The following EPB41L4A variants were observed in gnomAD, a reference collection of about 807,000 sequenced individuals.
The protein encoded by EPB41L4A is erythrocyte membrane protein band 4.1 like 4A.
A neutral mutation model predicts 108.6 loss-of-function variants in EPB41L4A; 100 were observed. The ratio of observed to expected loss-of-function variants is 0.92; its 90% confidence interval spans 0.78 to 1.09. The LOEUF (loss-of-function observed/expected upper bound fraction) is 1.09. Ranked by LOEUF, EPB41L4A falls within the 50% of genes least tolerant of loss-of-function variation. The pLI, the probability that EPB41L4A is intolerant of heterozygous loss-of-function variation, is 0.00. For synonymous variants in EPB41L4A, 319 were observed against 289.0 expected, an observed-to-expected ratio of 1.10 and a Z score of -1.05; for missense variants, 1,030 against 842.7, an observed-to-expected ratio of 1.22 and a Z score of -2.75.
intron 1 of EPB41L4A, among the ~76,000 whole-genome samples, chr5:112,400,915 C>T (rs1425802967): frequency 6.6e-6 from 1 of 152,206 alleles, no homozygotes; most frequent in Non-Finnish European, 1.5e-5. Flanking sequence ...ATGGAACTGA[C>T]TGGCTCCCTA....
intron 12 of EPB41L4A, among the ~76,000 whole-genome samples, chr5:112,232,550 T>C (rs1339241182): frequency 6.6e-6 from 1 of 152,208 alleles, no homozygotes; most frequent in Non-Finnish European, 1.5e-5. Context: ...GAGACTTAAT[T>C]TGACTTTAGA....
intron 15 of EPB41L4A, among the ~76,000 whole-genome samples, chr5:112,200,306 T>C (rs1049316691): frequency 6.6e-6 from 1 of 152,238 alleles, no homozygotes; most frequent in African/African-American, 2.4e-5. Flanking sequence ...TTTGGCTCAG[T>C]GATTCAGCAA....
chr5:112,277,570 A>G (rs1752695871), intron 3 of EPB41L4A, among the ~76,000 whole-genome samples: 1 of 152,220 alleles, frequency 6.6e-6, no homozygotes, highest in Non-Finnish European at 1.5e-5. Context: ...AAGGCACATT[A>G]AACTCCAAGG....
upstream of EPB41L4A, chr5:112,419,788 G>C (rs1392305862): frequency 1.3e-5 from 6 of 456,642 alleles, no homozygotes; most frequent in Non-Finnish European, 2.6e-5. Flanking sequence ...TCAGCTCGTC[G>C]CGGGGTGTGG....
intron 18 of EPB41L4A, among the ~76,000 whole-genome samples, chr5:112,172,928 C>T (rs573557294): frequency 1.2e-4 from 19 of 152,194 alleles, no homozygotes; most frequent in Non-Finnish European, 2.5e-4. Context: ...AGGAGGCTGT[C>T]CTGTGCATTG....
intron 13 of EPB41L4A, among the ~76,000 whole-genome samples, 158 bp downstream of exon 13, chr5:112,209,734 T>C (rs945442964): frequency 2.0e-5 from 3 of 152,242 alleles, no homozygotes; most frequent in African/African-American, 7.2e-5. Context: ...ATTTCATTGG[T>C]GTTTTAATGT....
At chr5:112,364,890 A>C (rs902339432) in intron 1 of EPB41L4A, among the ~76,000 whole-genome samples, 13 of 152,232 alleles carry the variant, frequency 8.5e-5, no homozygotes, top group Non-Finnish European at 1.9e-4. Flanking sequence ...GTCTAAATGT[A>C]ATTTATTACA....
chr5:112,401,750 T>C (rs932115237), intron 1 of EPB41L4A, among the ~76,000 whole-genome samples: 1 of 152,148 alleles, frequency 6.6e-6, no homozygotes, highest in African/African-American at 2.4e-5. Context: ...GACTCTTCCA[T>C]GGAGACGAGA....
intron 1 of EPB41L4A, among the ~76,000 whole-genome samples, chr5:112,357,957 T>C (rs1173813084): frequency 6.6e-6 from 1 of 152,248 alleles, no homozygotes; most frequent in East Asian, 1.9e-4. Context: ...GTTATCCTTT[T>C]TCATCAGTCA....
chr5:112,234,822 A>C, intron 11 of EPB41L4A, 67 bp from the exon 12 acceptor site: 1 of 1,517,276 alleles, frequency 6.6e-7, no homozygotes, highest in Non-Finnish European at 8.9e-7. Context: ...ACAACAGGTC[A>C]TTCAGAACAT....
intron 12 of EPB41L4A, among the ~76,000 whole-genome samples, chr5:112,216,525 C>G (rs1216541263): frequency 5.3e-5 from 8 of 152,122 alleles, no homozygotes; most frequent in African/African-American, 1.7e-4. Flanking sequence ...CATACACTTT[C>G]TTTTAAAAAT....
chr5:112,216,990 G>A (rs530202394), intron 12 of EPB41L4A, among the ~76,000 whole-genome samples: 303 of 137,806 alleles, frequency 2.2e-3, no homozygotes, highest in African/African-American at 7.4e-3. Context: ...TTTTTTTTTT[G>A]AGACAGAGTC....
intron 1 of EPB41L4A, among the ~76,000 whole-genome samples, chr5:112,375,572 T>TA (rs747342222): frequency 1.6e-4 from 24 of 152,108 alleles, no homozygotes; most frequent in Non-Finnish European, 2.8e-4. Context: ...GCAGCCATGA[T>TA]AAAAAATTCA....
At position 112,289,395 on chromosome 5, in the gene EPB41L4A, A is replaced by G. The variant is rs150189262; in HGVS notation, c.205-9072T>C. 8.5e-3 allele frequency among the ~76,000 whole-genome samples: 1,293 copies of G among 152,230 alleles called. 30 individuals carry two copies. Among genetic ancestry groups the G allele is most frequent in the South Asian group, 0.055 (264 of 4,822 alleles). ...ATCCAGGAGCCTAAGTAGCCTACTC[A>G]GGTAATCCAGGAAAAACTTTGAGAG... On this transcript the variant is annotated intron_variant, in intron 2 of 22. Transcript: ENST00000261486.
chr5:112,280,514 G>A (rs925686584), intron 2 of EPB41L4A, among the ~76,000 whole-genome samples, 191 bp from the exon 3 acceptor site: 2 of 152,104 alleles, frequency 1.3e-5, no homozygotes, highest in African/African-American at 4.8e-5. Context: ...AATAGGCCAG[G>A]CACGGTGGCT....
At chr5:112,161,607 A>G (rs765119249), downstream of EPB41L4A, 1 of 519,154 alleles carries the variant, frequency 1.9e-6, no homozygotes, top group Admixed American at 1.9e-5. Context: ...GGAGCTGCAT[A>G]AGTAACAGTT....
In EPB41L4A at chr5:112,204,547, C is replaced by T; in HGVS notation, c.1263-59G>A. 1.3e-5 allele frequency: 15 copies of T among 1,112,780 alleles called. 1 individual carries two copies. Among genetic ancestry groups the T allele is most frequent in the Non-Finnish European group, 1.5e-5 (11 of 725,920 alleles). The allele number at this position is 1,112,780 out of a possible 1,614,324, so 68.9% of individuals were successfully genotyped here. A position where few individuals can be genotyped will look rare whatever the true frequency, so the allele number is the denominator to read the frequency against. On this transcript the variant is annotated intron_variant, in intron 14 of 22. Coordinates refer to ENST00000261486, the MANE Select transcript of EPB41L4A (RefSeq NM_022140.5). ...AGAGAGTTCCTGGGGGAAAACACAC[C>T]GCAGCCCAGACCTATTCATAACTGC... is the stretch of plus-strand genomic sequence containing the variant.
At chr5:112,146,122 C>A (rs1759246503) in intron 12 of EPB41L4A, 1 of 359,550 alleles carries the variant, frequency 2.8e-6, no homozygotes, top group Non-Finnish European at 5.5e-6. Context: ...GAATCGAGAC[C>A]ACATTCACTA....
chr5:112,206,040 T>C (rs1284606044), intron 13 of EPB41L4A: 1 of 153,440 alleles, frequency 6.5e-6, no homozygotes, highest in Non-Finnish European at 1.4e-5. Context: ...TCAAATGCTA[T>C]TTCCTGACCT....
Sources: allele counts gnomAD v4.1 joint callset (sites outside exome capture counted in the v4.1 genomes callset), GRCh38; gene constraint gnomAD v4.1.1; transcripts MANE v1.5; gene names NCBI Gene and HGNC (gene_info 2026-07-23, HGNC 2026-07-21).